The following LIPA variants were observed in gnomAD, a reference collection of about 807,000 sequenced individuals.
LIPA encodes the protein lipase A, lysosomal acid type.
Under a neutral mutation model 40.6 loss-of-function variants are expected in LIPA, and 26 were observed. The observed-to-expected ratio is 0.64, with a 90% CI of 0.47 to 0.89. The LOEUF (loss-of-function observed/expected upper bound fraction) is 0.89, where lower values mean the gene tolerates loss of function less well. LIPA is among the 40% of genes least tolerant of loss of function. LIPA has a pLI of 0.00. For synonymous variants in LIPA, 188 were observed against 168.4 expected, an observed-to-expected ratio of 1.12 and a Z score of -0.90; for missense variants, 455 against 479.6, an observed-to-expected ratio of 0.95 and a Z score of 0.48.
chr10:89,351,405 C>G (rs1843958045), intron 2 of LIPA, among the ~76,000 whole-genome samples: 1 of 152,166 alleles, frequency 6.6e-6, no homozygotes, highest in Non-Finnish European at 1.5e-5. Context: ...ATGGCCTAAT[C>G]AGAGAAAAAT....
chr10:89,340,615 C>T (rs1014119513), intron 1 of LIPA: 1 of 144,242 alleles, frequency 6.9e-6, no homozygotes, highest in Non-Finnish European at 1.5e-5. Flanking sequence ...TAGTTCATTA[C>T]AGTTACATAG....
At chr10:89,305,996 CG>C in intron 1 of LIPA, 1 of 1,613,496 alleles carries the variant, frequency 6.2e-7, no homozygotes, top group Non-Finnish European at 8.5e-7. Context: ...GAGCAGCCTA[CG>C]GCAACTAAAA....
At chr10:89,248,157 G>A (rs987854286) in intron 1 of LIPA, among the ~76,000 whole-genome samples, 4 of 147,218 alleles carry the variant, frequency 2.7e-5, no homozygotes, top group Admixed American at 6.9e-5. Context: ...GAGCCACCGC[G>A]CCTGCCCAGG....
chr10:89,304,799 T>G (rs1159286566), intron 1 of LIPA, among the ~76,000 whole-genome samples: 1 of 152,130 alleles, frequency 6.6e-6, no homozygotes, highest in Non-Finnish European at 1.5e-5. Flanking sequence ...TTGGTTGATT[T>G]TGGTTTATTT....
At chr10:89,414,675 C>A, upstream of LIPA, 2 of 1,181,952 alleles carry the variant, frequency 1.7e-6, no homozygotes, top group South Asian at 1.6e-5. Flanking sequence ...CCAGGGGCTG[C>A]AGAGGCCTGG....
chr10:89,378,146 GTCTTT>G, intron 2 of LIPA: 2 of 1,613,984 alleles, frequency 1.2e-6, no homozygotes, highest in Non-Finnish European at 1.7e-6. Context: ...ATGAGGTAAA[GTCTTT>G]CTCTGCTTCA....
At chr10:89,384,049 A>C (rs146689135) in intron 2 of LIPA, 195 of 1,614,242 alleles carry the variant, frequency 1.2e-4, no homozygotes, top group Middle Eastern at 1.6e-4. Context: ...AGCTCTGACC[A>C]GTATATCTTC....
chr10:89,298,583 T>C (rs1253206757), intron 1 of LIPA, among the ~76,000 whole-genome samples: 1 of 152,180 alleles, frequency 6.6e-6, no homozygotes. Flanking sequence ...GATGCTCAGA[T>C]ATCAGTGAAA....
intron 1 of LIPA, among the ~76,000 whole-genome samples, chr10:89,266,254 T>G (rs1055620386): frequency 6.6e-6 from 1 of 152,240 alleles, no homozygotes; most frequent in African/African-American, 2.4e-5. Flanking sequence ...TCTTTCTTAC[T>G]GTATTAATGA....
At chr10:89,405,270 A>G (rs1352821556) in intron 2 of LIPA, 3 of 152,364 alleles carry the variant, frequency 2.0e-5, no homozygotes, top group East Asian at 3.9e-4. Context: ...TAATCTAGTT[A>G]AATCAAGAAA....
upstream of LIPA, among the ~76,000 whole-genome samples, chr10:89,346,721 A>AT (rs1843924720): frequency 6.6e-6 from 1 of 152,238 alleles, no homozygotes; most frequent in African/African-American, 2.4e-5. Flanking sequence ...TATGTGGAAC[A>AT]TACCAGCAAC....
intron 2 of LIPA, among the ~76,000 whole-genome samples, chr10:89,364,052 A>G (rs779792892): frequency 2.0e-5 from 3 of 152,186 alleles, no homozygotes; most frequent in Admixed American, 1.3e-4. Flanking sequence ...ATCTAAATCT[A>G]AATATCAGAT....
intron 2 of LIPA, among the ~76,000 whole-genome samples, chr10:89,366,912 C>CAT (rs1267257602): frequency 3.3e-5 from 5 of 152,172 alleles, no homozygotes; most frequent in African/African-American, 1.2e-4. Context: ...ATAGCAAAGA[C>CAT]TTGGAACCAA....
At chr10:89,328,445 G>T (rs1260676426) in intron 1 of LIPA, among the ~76,000 whole-genome samples, 1 of 152,142 alleles carries the variant, frequency 6.6e-6, no homozygotes, top group Non-Finnish European at 1.5e-5. Flanking sequence ...AGACCTAAGG[G>T]AATTACTCTT....
At chr10:89,358,140 A>G (rs1843999601) in intron 2 of LIPA, among the ~76,000 whole-genome samples, 1 of 152,204 alleles carries the variant, frequency 6.6e-6, no homozygotes, top group Admixed American at 6.5e-5. Flanking sequence ...ACCACTTTCT[A>G]TTAGTTCCTC....
intron 3 of LIPA, among the ~76,000 whole-genome samples, chr10:89,231,724 C>T (rs989913843): frequency 2.6e-5 from 4 of 152,198 alleles, no homozygotes; most frequent in South Asian, 4.1e-4. Context: ...GTGATTCTCT[C>T]GCCTTGGCCT....
chr10:89,401,885 A>G (rs1478392690), intron 2 of LIPA, among the ~76,000 whole-genome samples: 1 of 152,186 alleles, frequency 6.6e-6, no homozygotes, highest in Non-Finnish European at 1.5e-5. Context: ...AATGTTTCCT[A>G]AGGTTCTGCA....
chr10:89,334,746 C>A (rs1287886563), intron 1 of LIPA, among the ~76,000 whole-genome samples: 2 of 151,582 alleles, frequency 1.3e-5, no homozygotes, highest in Non-Finnish European at 2.9e-5. Flanking sequence ...CCGCCTCAGC[C>A]TCCCAAAATG....
At chr10:89,362,185 T>G (rs1844026855) in intron 2 of LIPA, 1 of 152,288 alleles carries the variant, frequency 6.6e-6, no homozygotes, top group African/African-American at 2.4e-5. Context: ...ATTGCAGGTG[T>G]GAGCCACTGT....
Sources: gnomAD v4.1 joint callset for allele counts (sites outside exome capture counted in the v4.1 genomes callset) on GRCh38, gnomAD v4.1.1 for gene constraint, MANE v1.5 for transcripts, NCBI Gene and HGNC (gene_info 2026-07-23, HGNC 2026-07-21) for gene names.